The following TXNRD2 variants were observed in gnomAD, a reference collection of about 807,000 sequenced individuals.
The protein encoded by TXNRD2 is thioredoxin reductase 2, also known as thioredoxin reductase 2, mitochondrial.
Under a neutral mutation model 70.8 loss-of-function variants are expected in TXNRD2, and 67 were observed. The ratio of observed to expected loss-of-function variants is 0.95; its 90% CI spans 0.78 to 1.16. TXNRD2 has a LOEUF of 1.16. TXNRD2 is among the 50% of genes most tolerant of loss of function. The pLI is 0.00. For synonymous variants in TXNRD2, 301 were observed against 295.8 expected (o/e 1.02, Z -0.18); for missense variants, 644 against 719.9 (o/e 0.89, Z 1.21).
chr22:19,940,290 T>TTTAG (rs1223779139), intron 1 of TXNRD2, among the ~76,000 whole-genome samples: 1 of 147,340 alleles, frequency 6.8e-6, no homozygotes, highest in East Asian at 2.0e-4. Context: ...ACTCATATGG[T>TTTAG]TTAGTAACAG....
chr22:19,928,260 A>G (rs1294052223), intron 2 of TXNRD2, among the ~76,000 whole-genome samples: 2 of 152,214 alleles, frequency 1.3e-5, no homozygotes, highest in Admixed American at 6.5e-5. Flanking sequence ...TATCCACACA[A>G]ACACACAGAC....
chr22:19,896,945 A>C (rs771813575), intron 10 of TXNRD2, among the ~76,000 whole-genome samples: 17 of 152,174 alleles, frequency 1.1e-4, no homozygotes, highest in Non-Finnish European at 1.9e-4. Flanking sequence ...TGTCCAGGAC[A>C]CAGGGTCCCT....
chr22:19,934,197 C>T (rs1210138322), intron 1 of TXNRD2, among the ~76,000 whole-genome samples: 1 of 152,116 alleles, frequency 6.6e-6, no homozygotes, highest in Non-Finnish European at 1.5e-5. Flanking sequence ...GCATCGCCCA[C>T]CCACTCCAAG....
At chr22:19,907,668 C>T (rs1450941432) in intron 8 of TXNRD2, among the ~76,000 whole-genome samples, 6 of 35,284 alleles carry the variant, frequency 1.7e-4, no homozygotes, top group Admixed American at 4.4e-4. Context: ...TAGCAGTGAC[C>T]GCTCTCAGGA....
intron 8 of TXNRD2, among the ~76,000 whole-genome samples, chr22:19,907,479 GGA>G (rs1238260748): frequency 5.2e-5 from 2 of 38,332 alleles, no homozygotes; most frequent in African/African-American, 2.6e-4. Flanking sequence ...ACCGCTCTCA[GGA>G]GAGTGTGGGT....
At chr22:19,904,799 G>A (rs737863) in intron 8 of TXNRD2, among the ~76,000 whole-genome samples, 188 of 152,120 alleles carry the variant, frequency 1.2e-3, no homozygotes, top group African/African-American at 4.3e-3. Flanking sequence ...GCCAGGCACC[G>A]TGAGTTGCGC....
chr22:19,888,881 TC>T (rs898782063), intron 11 of TXNRD2, among the ~76,000 whole-genome samples: 2 of 93,630 alleles, frequency 2.1e-5, no homozygotes, highest in African/African-American at 3.0e-5. Context: ...ATATTTATCT[TC>T]TTTTTTTTTT....
intron 8 of TXNRD2, chr22:19,911,129 C>A: frequency 1.7e-6 from 1 of 586,680 alleles, no homozygotes; most frequent in Non-Finnish European, 3.1e-6. Context: ...AGAGGTCTCA[C>A]TATATTGCCC....
At chr22:19,932,254 T>A in intron 1 of TXNRD2, 3 of 1,604,902 alleles carry the variant, frequency 1.9e-6, no homozygotes, top group Non-Finnish European at 2.6e-6. Context: ...TGTGCCCAGC[T>A]GCAGTCAGCT....
At chr22:19,896,757 C>T (rs896126517) in intron 10 of TXNRD2, among the ~76,000 whole-genome samples, 5 of 152,252 alleles carry the variant, frequency 3.3e-5, no homozygotes, top group Admixed American at 6.5e-5. Flanking sequence ...CTAACATCCT[C>T]TGACACCTGT....
intron 8 of TXNRD2, among the ~76,000 whole-genome samples, chr22:19,907,534 C>CA (rs1401150473): frequency 3.5e-4 from 8 of 22,548 alleles, no homozygotes; most frequent in East Asian, 2.5e-3. Flanking sequence ...AGTGTGGGCG[C>CA]CGTGGGTAGC....
At chr22:19,925,103 C>A (rs185929832) in intron 2 of TXNRD2, among the ~76,000 whole-genome samples, 6 of 150,504 alleles carry the variant, frequency 4.0e-5, no homozygotes, top group Non-Finnish European at 8.9e-5. Flanking sequence ...GCTAACACGG[C>A]GAAGCCCCGT....
chr22:19,923,844 C>CTT (rs34120716), intron 2 of TXNRD2, among the ~76,000 whole-genome samples: 51 of 78,092 alleles, frequency 6.5e-4, no homozygotes, highest in Middle Eastern at 8.6e-3. Flanking sequence ...ACCCCTGAGG[C>CTT]TTTTTTTTTT....
At chr22:19,939,016 A>G (rs1435906936) in intron 1 of TXNRD2, among the ~76,000 whole-genome samples, 2 of 152,160 alleles carry the variant, frequency 1.3e-5, no homozygotes, top group African/African-American at 4.8e-5. Flanking sequence ...GTCATGGAAA[A>G]ACTCCCAAAC....
chr22:19,941,003 AC>A (rs1463800990), intron 1 of TXNRD2, among the ~76,000 whole-genome samples: 1 of 151,444 alleles, frequency 6.6e-6, no homozygotes, highest in East Asian at 1.9e-4. Context: ...ACCCCTCTAC[AC>A]TCACTGCCTG....
In TXNRD2 at chr22:19,921,504, C is replaced by G. The variant is rs145390116; in HGVS notation, c.173-1905G>C. On this transcript the variant is annotated intron_variant, in intron 2 of 17. Transcript: ENST00000400521. ...AGCAGGGCCCAGATTTACCCTCCCC[C>G]TGAAGCAACCCAAAACCCAGGTAAA... Among the ~76,000 whole-genome samples, 77 of 152,180 alleles carry G rather than the reference C, an allele frequency of 5.1e-4. No homozygotes were observed. In the East Asian group the frequency reaches 9.7e-3, roughly 19 times the overall value.
Position 19,878,072 on chromosome 22 carries a change from G to A in TXNRD2, c.1445+18C>T, listed in dbSNP as rs41431147. 3,220 of 1,606,780 alleles carry A rather than the reference G, an allele frequency of 2.0e-3. 64 individuals carry two copies. The African/African-American group carries it at 0.039, about 19-fold the overall frequency. ...CCAGCTGCACATCGCATCGCAGCCT[G>A]CATTCCTCGGGACTTACTTGATCCC... is the stretch of plus-strand genomic sequence containing the variant. On this transcript the variant is annotated intron_variant, in intron 16 of 17. Coordinates refer to ENST00000400521, the MANE Select transcript of TXNRD2 (RefSeq NM_006440.5).
rs1230683925 is a variant in TXNRD2 at position 19,941,784 on chromosome 22, G to A, written c.20C>T (p.Ala7Val). 2 of 1,528,418 alleles carry A rather than the reference G, an allele frequency of 1.3e-6. No individual in the cohort carries two copies. The highest frequency in any genetic ancestry group is 1.7e-6 in the Non-Finnish European group (2 of 1,148,078). The allele number at this position is 1,528,418 out of a possible 1,614,324, so 94.7% of individuals were successfully genotyped here. A position where few individuals can be genotyped will look rare whatever the true frequency, so the allele number is the denominator to read the frequency against. Reference protein sequence around the residue: MAAMAVALRGLGGRFRW... With the variant: MAAMAVVLRGLGGRFRW... ...GAAGCGCCCTCCTAATCCCCGCAGC[G>A]CCACCGCCATTGCCGCCATCGTCGT... is the stretch of plus-strand genomic sequence containing the variant. The change falls in exon 1 of 18, where the codon GCG becomes GTG. Residue 7 changes from alanine (A) to valine (V), a missense_variant. Transcript: ENST00000400521.
At position 19,878,171 on chromosome 22, in the gene TXNRD2, T is replaced by G; in HGVS notation, c.1364A>C (p.Glu455Ala). The change falls in exon 16 of 18, where the codon GAG becomes GCG. Residue 455 changes from glutamate (E) to alanine (A), a missense_variant. Physicochemically the swap from Glu to Ala is moderately radical, Grantham distance 107. Coordinates refer to ENST00000400521, the MANE Select transcript of TXNRD2 (RefSeq NM_006440.5). ...CAGGCCCAGCACCAGCTGTGGGGGC[T>G]CCCTCAGGCACACCATCTGAAAGCC... ...QCYVKMVCLR[E>A]PPQLVLGLHF... is the part of the protein sequence containing the mutation. 6.2e-7 allele frequency: 1 copy of G among 1,613,128 alleles called. No homozygotes were observed. The highest frequency in any genetic ancestry group is 8.5e-7 in the Non-Finnish European group (1 of 1,179,990).
Sources: allele counts gnomAD v4.1 joint callset (sites outside exome capture counted in the v4.1 genomes callset), GRCh38; gene constraint gnomAD v4.1.1; transcripts MANE v1.5; gene names NCBI Gene and HGNC (gene_info 2026-07-23, HGNC 2026-07-21).